DPYD: variants seen among roughly 807,000 people sequenced by gnomAD.
DPYD encodes dihydropyrimidine dehydrogenase, also known as dihydropyrimidine dehydrogenase [NADP(+)].
Under a neutral mutation model 116.2 loss-of-function variants are expected in DPYD, and 109 were observed. That is an observed-to-expected ratio of 0.94 (90% CI 0.80 to 1.10). The LOEUF is 1.10. Ranked by LOEUF, DPYD falls within the 50% of genes least tolerant of loss-of-function variation. DPYD has a pLI of 0.00. For synonymous variants in DPYD, 440 were observed against 432.0 expected, an observed-to-expected ratio of 1.02 and a Z score of -0.23; for missense variants, 1,302 against 1,254.5, an observed-to-expected ratio of 1.04 and a Z score of -0.57.
chr1:97,315,863 G>C (rs1340741288), intron 16 of DPYD, among the ~76,000 whole-genome samples: 1 of 151,942 alleles, frequency 6.6e-6, no homozygotes, highest in Non-Finnish European at 1.5e-5. Context: ...CCAGGAAGCA[G>C]GGCTAATTTT....
intron 7 of DPYD, among the ~76,000 whole-genome samples, chr1:97,683,551 C>T (rs932823969): frequency 2.0e-5 from 3 of 151,822 alleles, no homozygotes; most frequent in African/African-American, 7.2e-5. Flanking sequence ...TATCTTCATT[C>T]ATATTTTATA....
chr1:97,205,274 C>T (rs1172163432), intron 19 of DPYD, among the ~76,000 whole-genome samples: 2 of 152,020 alleles, frequency 1.3e-5, no homozygotes, highest in African/African-American at 4.8e-5. Context: ...TACAGAATAG[C>T]TTCACTGCCC....
chr1:97,322,123 T>C (rs1469597982), intron 16 of DPYD, among the ~76,000 whole-genome samples: 2 of 134,876 alleles, frequency 1.5e-5, no homozygotes, highest in Admixed American at 7.6e-5. Flanking sequence ...TTGGGAGATA[T>C]ACCTAATGCT....
intron 1 of DPYD, among the ~76,000 whole-genome samples, chr1:97,900,412 G>A (rs1426247346): frequency 1.3e-5 from 2 of 151,850 alleles, no homozygotes; most frequent in Admixed American, 6.6e-5. Flanking sequence ...GTATGGGAAG[G>A]ACTGATAGTC....
chr1:97,188,761 G>A (rs1433640333), intron 20 of DPYD, among the ~76,000 whole-genome samples: 2 of 152,108 alleles, frequency 1.3e-5, no homozygotes, highest in Non-Finnish European at 2.9e-5. Context: ...ACTCCTACAT[G>A]GTAGACATTG....
At chr1:97,895,985 A>G (rs1025056786) in intron 1 of DPYD, among the ~76,000 whole-genome samples, 15 of 151,744 alleles carry the variant, frequency 9.9e-5, no homozygotes, top group Non-Finnish European at 8.8e-5. Flanking sequence ...TACCTAAAGC[A>G]AGATATAAAA....
chr1:97,326,933 C>T (rs1004591944), intron 16 of DPYD, among the ~76,000 whole-genome samples: 4 of 151,952 alleles, frequency 2.6e-5, no homozygotes, highest in Non-Finnish European at 5.9e-5. Context: ...AAGAGATCAT[C>T]TGTTATGTTA....
At chr1:97,271,835 A>T (rs1179166967) in intron 18 of DPYD, among the ~76,000 whole-genome samples, 1 of 152,180 alleles carries the variant, frequency 6.6e-6, no homozygotes, top group Non-Finnish European at 1.5e-5. Flanking sequence ...GATCTCAAGC[A>T]TGTTCCCTGA....
intron 1 of DPYD, among the ~76,000 whole-genome samples, chr1:97,893,264 G>C (rs939211097): frequency 4.6e-5 from 7 of 151,142 alleles, no homozygotes; most frequent in African/African-American, 7.3e-5. Flanking sequence ...ATGTATCTCA[G>C]AGGAAACCAA....
At chr1:97,875,570 C>G (rs1571512081) in intron 2 of DPYD, among the ~76,000 whole-genome samples, 1 of 151,954 alleles carries the variant, frequency 6.6e-6, no homozygotes, top group East Asian at 1.9e-4. Flanking sequence ...CAATGAAAGA[C>G]TCCACCTCAA....
At chr1:97,096,169 A>G (rs1650233006) in intron 21 of DPYD, among the ~76,000 whole-genome samples, 1 of 152,112 alleles carries the variant, frequency 6.6e-6, no homozygotes, top group Non-Finnish European at 1.5e-5. Context: ...AGACTTCACA[A>G]TTCTTTGGTT....
At chr1:97,288,532 T>C (rs1665898850) in intron 18 of DPYD, among the ~76,000 whole-genome samples, 2 of 151,830 alleles carry the variant, frequency 1.3e-5, no homozygotes, top group Non-Finnish European at 2.9e-5. Context: ...ATTAAGAAAC[T>C]CACTCAAAAC....
chr1:97,470,981 A>G (rs1677614978), intron 13 of DPYD, among the ~76,000 whole-genome samples: 1 of 151,744 alleles, frequency 6.6e-6, no homozygotes, highest in African/African-American at 2.4e-5. Context: ...CAAGAGCAAG[A>G]CTTCATCTCA....
intron 13 of DPYD, among the ~76,000 whole-genome samples, chr1:97,453,827 TAATC>T (rs1676546083): frequency 1.3e-5 from 2 of 152,096 alleles, no homozygotes; most frequent in South Asian, 2.1e-4. Context: ...ATGATCTCCT[TAATC>T]AAGATAATGA....
At chr1:97,226,159 G>A (rs1661140815) in intron 19 of DPYD, among the ~76,000 whole-genome samples, 1 of 152,160 alleles carries the variant, frequency 6.6e-6, no homozygotes, top group East Asian at 1.9e-4. Flanking sequence ...CTTAATAGAT[G>A]CAGAAAAATC....
At chr1:97,290,439 T>C (rs1289248061) in intron 18 of DPYD, among the ~76,000 whole-genome samples, 4 of 152,014 alleles carry the variant, frequency 2.6e-5, no homozygotes, top group Non-Finnish European at 5.9e-5. Flanking sequence ...CAAACTATAC[T>C]ACAAGGCTAC....
chr1:97,663,361 AC>A (rs1428763239), intron 8 of DPYD, among the ~76,000 whole-genome samples: 1 of 152,108 alleles, frequency 6.6e-6, no homozygotes, highest in African/African-American at 2.4e-5. Context: ...AAACATCCCG[AC>A]TTGTACCTAT....
chr1:97,740,850 C>A (rs1222544921), intron 3 of DPYD, among the ~76,000 whole-genome samples: 1 of 152,014 alleles, frequency 6.6e-6, no homozygotes, highest in Admixed American at 6.6e-5. Context: ...TCTTTTAGAC[C>A]AAAATTATTA....
chr1:97,829,552 C>A (rs1017385505), intron 2 of DPYD, among the ~76,000 whole-genome samples: 2 of 152,046 alleles, frequency 1.3e-5, no homozygotes, highest in African/African-American at 2.4e-5. Flanking sequence ...TAGCTGAGAT[C>A]AAATTTGTTA....
Sources: gnomAD v4.1 joint callset for allele counts (sites outside exome capture counted in the v4.1 genomes callset) on GRCh38, gnomAD v4.1.1 for gene constraint, MANE v1.5 for transcripts, NCBI Gene and HGNC (gene_info 2026-07-23, HGNC 2026-07-21) for gene names.